Variants in LUZP2 observed in about 807,000 individuals in gnomAD.
The protein encoded by LUZP2 is leucine zipper protein 2.
Under a neutral mutation model 51.6 loss-of-function variants are expected in LUZP2, and 52 were observed. The ratio of observed to expected loss-of-function variants is 1.01; its 90% CI spans 0.81 to 1.27. The LOEUF (loss-of-function observed/expected upper bound fraction) is 1.27, where lower values mean the gene tolerates loss of function less well. LUZP2 is among the 50% of genes most tolerant of loss of function. The pLI, the probability that LUZP2 is intolerant of heterozygous loss-of-function variation, is 0.00. For synonymous variants in LUZP2, 154 were observed against 137.3 expected (o/e 1.12, Z -0.85); for missense variants, 436 against 395.4 (o/e 1.10, Z -0.87).
chr11:25,023,876 T>C (rs1857411004), intron 9 of LUZP2, among the ~76,000 whole-genome samples: 1 of 152,202 alleles, frequency 6.6e-6, no homozygotes, highest in Non-Finnish European at 1.5e-5. Flanking sequence ...TATTTCTGTC[T>C]TCATTTCGTT....
intron 5 of LUZP2, among the ~76,000 whole-genome samples, chr11:24,845,223 C>T (rs1241129402): frequency 6.6e-6 from 1 of 152,152 alleles, no homozygotes; most frequent in Non-Finnish European, 1.5e-5. Context: ...CTTGCATCAG[C>T]GTGATCTGGA....
chr11:24,966,423 AT>A (rs1855583778), intron 7 of LUZP2, among the ~76,000 whole-genome samples: 1 of 150,206 alleles, frequency 6.7e-6, no homozygotes, highest in East Asian at 1.9e-4. Flanking sequence ...TTATATTTAC[AT>A]TTTTCTAATG....
intron 1 of LUZP2, among the ~76,000 whole-genome samples, chr11:24,668,544 C>T (rs1382285244): frequency 1.3e-5 from 2 of 152,146 alleles, no homozygotes; most frequent in Non-Finnish European, 2.9e-5. Flanking sequence ...CTTTGGGACA[C>T]TGAGCAAATT....
intron 1 of LUZP2, among the ~76,000 whole-genome samples, chr11:24,560,132 C>T (rs1387116439): frequency 6.6e-6 from 1 of 152,078 alleles, no homozygotes; most frequent in Non-Finnish European, 1.5e-5. Context: ...ATGATTAAGG[C>T]TATGCAGACA....
At chr11:24,610,099 G>A (rs993478383) in intron 1 of LUZP2, among the ~76,000 whole-genome samples, 1 of 152,184 alleles carries the variant, frequency 6.6e-6, no homozygotes, top group Non-Finnish European at 1.5e-5. Flanking sequence ...CCATTCCAAC[G>A]TAACTGTGTA....
At chr11:24,581,698 TATAAATATA>T (rs1852862382) in intron 1 of LUZP2, among the ~76,000 whole-genome samples, 3 of 139,944 alleles carry the variant, frequency 2.1e-5, no homozygotes, top group African/African-American at 8.9e-5. Flanking sequence ...TAAATATAAA[TATAAATATA>T]AATATAAATA....
At chr11:24,563,964 TA>T (rs1307844110) in intron 1 of LUZP2, among the ~76,000 whole-genome samples, 50 of 152,280 alleles carry the variant, frequency 3.3e-4, no homozygotes, top group African/African-American at 1.2e-3. Flanking sequence ...TCTTAGAAGT[TA>T]AAAATTAAAG....
At chr11:24,793,481 C>A (rs1034085382) in intron 5 of LUZP2, among the ~76,000 whole-genome samples, 1 of 152,090 alleles carries the variant, frequency 6.6e-6, no homozygotes, top group African/African-American at 2.4e-5. Flanking sequence ...TTTATGGATC[C>A]TCTTGATGCT....
chr11:25,060,412 A>C (rs7952307), intron 10 of LUZP2, among the ~76,000 whole-genome samples: 138,267 of 152,038 alleles, frequency 0.91, 63,618 homozygotes, highest in Non-Finnish European at 0.98. Flanking sequence ...CCCTCATGAC[A>C]TAATCACCTC....
chr11:24,512,733 T>A (rs949626004), intron 1 of LUZP2, among the ~76,000 whole-genome samples: 1 of 151,792 alleles, frequency 6.6e-6, no homozygotes, highest in African/African-American at 2.4e-5. Context: ...TTCCTGAATT[T>A]AATGGTTATT....
Position 24,750,948 on chromosome 11 carries a change from A to C in LUZP2, c.334-12298A>C, listed in dbSNP as rs551366228. On this transcript the variant is annotated intron_variant, in intron 4 of 11. Coordinates refer to ENST00000336930, the MANE Select transcript of LUZP2 (RefSeq NM_001009909.4). ...CTTGACTTTCTACACTTTTATAATC[A>C]AAATATATGGAAAGTGGCCATGTCC... 7.9e-5 allele frequency among the ~76,000 whole-genome samples: 12 copies of C among 152,150 alleles called. 1 individual carries two copies. Among genetic ancestry groups the C allele is most frequent in the African/African-American group, 2.7e-4 (11 of 41,452 alleles).
At chr11:24,800,566 A>G (rs574736699) in intron 5 of LUZP2, among the ~76,000 whole-genome samples, 1 of 152,010 alleles carries the variant, frequency 6.6e-6, no homozygotes, top group South Asian at 2.1e-4. Context: ...CAAAAAAACA[A>G]AAAAACCCAA....
intron 1 of LUZP2, among the ~76,000 whole-genome samples, chr11:24,680,453 TC>T (rs1269471197): frequency 6.6e-6 from 1 of 152,206 alleles, no homozygotes; most frequent in East Asian, 1.9e-4. Flanking sequence ...CCCAGACTTC[TC>T]AGTGTCCCAG....
At chr11:24,515,719 A>T (rs192876459) in intron 1 of LUZP2, among the ~76,000 whole-genome samples, 33 of 152,306 alleles carry the variant, frequency 2.2e-4, no homozygotes, top group African/African-American at 7.9e-4. Flanking sequence ...AAATAAAATA[A>T]TAATAATGAC....
At chr11:24,783,910 C>T (rs767569137) in intron 5 of LUZP2, among the ~76,000 whole-genome samples, 2 of 151,812 alleles carry the variant, frequency 1.3e-5, no homozygotes, top group Non-Finnish European at 2.9e-5. Flanking sequence ...ACCTTTGTTG[C>T]TGTTGCTGTT....
At chr11:25,076,293 C>T (rs1325520984) in intron 10 of LUZP2, among the ~76,000 whole-genome samples, 1 of 152,126 alleles carries the variant, frequency 6.6e-6, no homozygotes, top group Non-Finnish European at 1.5e-5. Flanking sequence ...AATCCACCCA[C>T]CTCAGCCTTG....
intron 5 of LUZP2, among the ~76,000 whole-genome samples, chr11:24,790,910 T>C (rs975835875): frequency 6.6e-6 from 1 of 152,232 alleles, no homozygotes; most frequent in African/African-American, 2.4e-5. Flanking sequence ...CATTTATGCA[T>C]ACTGTAAAAG....
chr11:24,919,662 A>T (rs936384283), intron 7 of LUZP2, among the ~76,000 whole-genome samples: 1 of 149,022 alleles, frequency 6.7e-6, no homozygotes, highest in Non-Finnish European at 1.5e-5. Flanking sequence ...TTATACATGC[A>T]TACATATATA....
intron 5 of LUZP2, among the ~76,000 whole-genome samples, chr11:24,794,330 A>T (rs1849490267): frequency 1.3e-5 from 2 of 152,098 alleles, no homozygotes; most frequent in Non-Finnish European, 1.5e-5. Context: ...TACAGAGATG[A>T]GTTTCTTACT....
Sources: allele counts gnomAD v4.1 joint callset (sites outside exome capture counted in the v4.1 genomes callset), GRCh38; gene constraint gnomAD v4.1.1; transcripts MANE v1.5; gene names NCBI Gene and HGNC (gene_info 2026-07-23, HGNC 2026-07-21).